KLHL8: variants seen among roughly 807,000 people sequenced by gnomAD.
KLHL8 encodes kelch like family member 8.
Under a neutral mutation model 63.5 loss-of-function variants are expected in KLHL8, and 38 were observed. The ratio of observed to expected loss-of-function variants is 0.60; its 90% confidence interval spans 0.46 to 0.78. The LOEUF is 0.78. KLHL8 is among the 30% of genes least tolerant of loss of function. The pLI is 0.00. For missense variants in KLHL8, 566 were observed against 752.4 expected (o/e 0.75, Z 2.90); for synonymous variants, 224 against 254.3 (o/e 0.88, Z 1.13).
chr4:87,173,547 A>T (rs1374450213), intron 6 of KLHL8, among the ~76,000 whole-genome samples: 1 of 152,240 alleles, frequency 6.6e-6, no homozygotes, highest in Admixed American at 6.5e-5. Context: ...AGATAACCAG[A>T]TATTTCACAT....
rs185151517 is a variant in KLHL8 at position 87,165,018 on chromosome 4, G to A, written c.1538-939C>T. Among the ~76,000 whole-genome samples the A allele has an allele frequency of 7.5e-3, 1,138 of 151,714 alleles. 38 individuals carry two copies. Among genetic ancestry groups the A allele is most frequent in the Admixed American group, 0.065 (993 of 15,246 alleles). On this transcript the variant is annotated intron_variant, in intron 8 of 9. Coordinates refer to ENST00000273963, the MANE Select transcript of KLHL8 (RefSeq NM_020803.5). ...AAAAAAATTAGCTGGGCATGGTGGCGGGCGCCTGTAGTCCCAGCTACTCGG... is the reference window on the plus strand; with the variant it reads ...AAAAAAATTAGCTGGGCATGGTGGCAGGCGCCTGTAGTCCCAGCTACTCGG...
At chr4:87,214,415 GATATATATATATATAT>G (rs58112792) in intron 1 of KLHL8, among the ~76,000 whole-genome samples, 11,640 of 93,028 alleles carry the variant, frequency 0.13, 1,346 homozygotes, top group African/African-American at 0.28. Flanking sequence ...GCACATAACA[GATATATATATATATAT>G]ATATATATAT....
chr4:87,214,234 C>T (rs1732504610), intron 1 of KLHL8, among the ~76,000 whole-genome samples: 1 of 149,732 alleles, frequency 6.7e-6, no homozygotes, highest in Non-Finnish European at 1.5e-5. Context: ...ATGACAACAG[C>T]AAGCATTAAT....
chr4:87,163,760 G>GGA, intron 9 of KLHL8, 118 bp from the exon 10 acceptor site: 1 of 1,522,006 alleles, frequency 6.6e-7, no homozygotes, highest in Non-Finnish European at 9.0e-7. Context: ...GCTTCCAGTG[G>GGA]GAGATAAGAT....
At chr4:87,223,614 T>G (rs544262371), upstream of KLHL8, among the ~76,000 whole-genome samples, 1 of 152,192 alleles carries the variant, frequency 6.6e-6, no homozygotes, top group Non-Finnish European at 1.5e-5. Context: ...GGGGAGCACC[T>G]AAGATACACC....
rs1243262202 is a variant in KLHL8 at position 87,162,918 on chromosome 4, C to T, written c.*601G>A. The stretch of plus-strand genomic sequence containing the variant: ...ACTGAAATTAAAGGCTTCTTATAGC[C>T]TATAAGCTTCTGAAAATGCAGCTAA... On this transcript the variant is annotated 3_prime_UTR_variant, in exon 10 of 10. Coordinates refer to ENST00000273963, the MANE Select transcript of KLHL8 (RefSeq NM_020803.5). The T allele has an allele frequency of 1.3e-5, 2 of 152,064 alleles. No individual in the cohort carries two copies. The highest frequency in any genetic ancestry group is 1.5e-5 in the Non-Finnish European group (1 of 68,024). 9.4% of individuals were successfully genotyped at this position (152,064 alleles called of 1,614,324 possible).
chr4:87,235,569 T>A (rs1733211760), intron 1 of KLHL8, among the ~76,000 whole-genome samples: 1 of 152,198 alleles, frequency 6.6e-6, no homozygotes, highest in Non-Finnish European at 1.5e-5. Flanking sequence ...CCCTTTGTCA[T>A]CATTTGAGAT....
At chr4:87,199,856 C>G (rs1159222898) in intron 1 of KLHL8, among the ~76,000 whole-genome samples, 1 of 150,566 alleles carries the variant, frequency 6.6e-6, no homozygotes, top group Non-Finnish European at 1.5e-5. Flanking sequence ...AAACAAAAAC[C>G]AAAAACATGC....
chr4:87,225,976 G>A (rs1017705301), intron 1 of KLHL8, among the ~76,000 whole-genome samples: 4 of 152,080 alleles, frequency 2.6e-5, no homozygotes, highest in Admixed American at 2.0e-4. Context: ...AATATGTGGG[G>A]GAACTGTGGA....
At chr4:87,172,573 A>G (rs1007371156) in intron 6 of KLHL8, among the ~76,000 whole-genome samples, 4 of 152,354 alleles carry the variant, frequency 2.6e-5, no homozygotes, top group African/African-American at 9.6e-5. Flanking sequence ...TAATTCAGAA[A>G]TCATACCATT....
chr4:87,167,707 G>T, intron 8 of KLHL8: 1 of 372,968 alleles, frequency 2.7e-6, no homozygotes. Context: ...TGTCTAGCAA[G>T]AAGCCCACTG....
upstream of KLHL8, chr4:87,221,180 G>C (rs574848012): frequency 2.0e-5 from 3 of 152,254 alleles, no homozygotes; most frequent in East Asian, 5.8e-4. Context: ...GGCGCATCAC[G>C]AGGTCAGGAG....
At chr4:87,207,769 A>C in intron 1 of KLHL8, 1 of 865,576 alleles carries the variant, frequency 1.2e-6, no homozygotes, top group Non-Finnish European at 2.0e-6. Flanking sequence ...TGGGAAGCTC[A>C]CTGGCATGGC....
Position 87,183,252 on chromosome 4 carries a change from T to C in KLHL8, c.903A>G (p.Val301=). 1 of 1,613,686 alleles carries C rather than the reference T, an allele frequency of 6.2e-7. No individual in the cohort carries two copies. The highest frequency in any genetic ancestry group is 8.5e-7 in the Non-Finnish European group (1 of 1,179,732). The stretch of plus-strand genomic sequence containing the variant: ...TCCGAATGGAGTATTCAAAGTCAGG[T>C]ACTGCTCTGCTACTCAAGTGAAGGT... ...NYHLHLSSRA[V]PDFEYSIRTT... The change falls in exon 4 of 10, where the codon GTA becomes GTG. Residue 301 remains valine (V), a synonymous_variant. Coordinates refer to ENST00000273963, the MANE Select transcript of KLHL8 (RefSeq NM_020803.5).
At chr4:87,189,071 T>C (rs1359187500) in intron 2 of KLHL8, among the ~76,000 whole-genome samples, 1 of 152,202 alleles carries the variant, frequency 6.6e-6, no homozygotes. Flanking sequence ...TGCTGGTGCA[T>C]AGTCGAAAAT....
intron 1 of KLHL8, chr4:87,207,518 A>G (rs1206019727): frequency 1.2e-6 from 1 of 865,002 alleles, no homozygotes; most frequent in Non-Finnish European, 2.0e-6. Context: ...AACAGCCTCA[A>G]GATCATCAGC....
At chr4:87,209,320 G>A (rs558182975) in intron 1 of KLHL8, among the ~76,000 whole-genome samples, 1 of 152,106 alleles carries the variant, frequency 6.6e-6, no homozygotes, top group Non-Finnish European at 1.5e-5. Context: ...GCACATCATT[G>A]TCATAACATG....
chr4:87,207,370 G>C (rs1208938553), intron 1 of KLHL8: 26 of 661,292 alleles, frequency 3.9e-5, no homozygotes, highest in Non-Finnish European at 7.0e-5. Flanking sequence ...TGAGTACGTT[G>C]TGGAGTCCAC....
chr4:87,224,122 C>T (rs1342023312), upstream of KLHL8, among the ~76,000 whole-genome samples: 1 of 151,998 alleles, frequency 6.6e-6, no homozygotes, highest in African/African-American at 2.4e-5. Flanking sequence ...AGTGCAATGG[C>T]ACGATCTTGG....
Sources: allele counts gnomAD v4.1 joint callset (sites outside exome capture counted in the v4.1 genomes callset), GRCh38; gene constraint gnomAD v4.1.1; transcripts MANE v1.5; gene names NCBI Gene and HGNC (gene_info 2026-07-23, HGNC 2026-07-21).